Variants in CHRM5 observed in about 807,000 individuals in gnomAD.
CHRM5 encodes cholinergic receptor muscarinic 5.
Under a neutral mutation model 39.0 loss-of-function variants are expected in CHRM5, and 18 were observed. The ratio of observed to expected loss-of-function variants is 0.46; its 90% CI spans 0.32 to 0.68. The LOEUF is 0.68. Ranked by LOEUF, CHRM5 falls within the 30% of genes least tolerant of loss-of-function variation. CHRM5 has a pLI of 0.04. For synonymous variants in CHRM5, 241 were observed against 246.3 expected, an observed-to-expected ratio of 0.98 and a Z score of 0.20; for missense variants, 515 against 651.1, an observed-to-expected ratio of 0.79 and a Z score of 2.28.
At chr15:34,027,245 C>T (rs796972074) in intron 1 of CHRM5, among the ~76,000 whole-genome samples, 34 of 152,170 alleles carry the variant, frequency 2.2e-4, no homozygotes, top group African/African-American at 6.0e-4. Flanking sequence ...TGAACAGCCT[C>T]GGCTCATACC....
In CHRM5 at chr15:34,025,762, G is replaced by GTGTGTGTGTT. The variant is rs1184092795; in HGVS notation, c.-407-20768_-407-20759dup. ...TTTGTTTTGGTTTGGTTTTGCGTGT[G>GTGTGTGTGTT]TGTGTGTGTTTGTGTGTGTGTGCGC... On this transcript the variant is annotated intron_variant, in intron 1 of 2. Transcript: ENST00000383263. Among the ~76,000 whole-genome samples, 158 of 152,206 alleles carry GTGTGTGTGTT rather than the reference G, an allele frequency of 1.0e-3. 1 individual carries two copies. Among genetic ancestry groups the GTGTGTGTGTT allele is most frequent in the Middle Eastern group, 6.8e-3 (2 of 294 alleles).
At chr15:34,024,300 G>T (rs1898340201) in intron 1 of CHRM5, among the ~76,000 whole-genome samples, 1 of 152,078 alleles carries the variant, frequency 6.6e-6, no homozygotes, top group African/African-American at 2.4e-5. Flanking sequence ...AGTGATAAAT[G>T]GTATCAAAAT....
At chr15:33,974,519 T>C (rs907229939) in intron 1 of CHRM5, among the ~76,000 whole-genome samples, 4 of 152,308 alleles carry the variant, frequency 2.6e-5, no homozygotes, top group African/African-American at 9.6e-5. Flanking sequence ...GAAATTAAAG[T>C]AGCAGAGTGT....
At chr15:34,016,592 A>G (rs1306040977) in intron 1 of CHRM5, among the ~76,000 whole-genome samples, 5 of 152,180 alleles carry the variant, frequency 3.3e-5, no homozygotes, top group Non-Finnish European at 5.9e-5. Context: ...AATATTACCA[A>G]CAGGAGTTTT....
intron 1 of CHRM5, among the ~76,000 whole-genome samples, chr15:34,019,841 C>T (rs1209500250): frequency 6.6e-6 from 1 of 152,154 alleles, no homozygotes; most frequent in Non-Finnish European, 1.5e-5. Context: ...AGTCACCTAA[C>T]GACATGTTTC....
At chr15:33,982,853 G>C (rs528082769) in intron 1 of CHRM5, among the ~76,000 whole-genome samples, 4 of 151,990 alleles carry the variant, frequency 2.6e-5, no homozygotes, top group South Asian at 2.1e-4. Context: ...AGCAACAAAG[G>C]CTACCTTAGA....
chr15:34,053,976 T>C lies in CHRM5; in HGVS notation c.-76+7105T>C, dbSNP rs192145108. Among the ~76,000 whole-genome samples the C allele has an allele frequency of 3.9e-5, 6 of 151,952 alleles. No individual in the cohort carries two copies. The East Asian group carries it at 1.2e-3, about 29-fold the overall frequency. On this transcript the variant is annotated intron_variant, in intron 2 of 2. Transcript: ENST00000383263. ...GAATCTACAAGGAACATAAACAAAT[T>C]TATGAGAAAAAAACAACCCCATCAA...
intron 1 of CHRM5, among the ~76,000 whole-genome samples, chr15:34,034,329 T>C (rs1485510733): frequency 2.0e-5 from 3 of 151,804 alleles, no homozygotes; most frequent in African/African-American, 7.3e-5. Context: ...TACTCCCACC[T>C]ACTCAGGAGG....
At chr15:34,030,759 G>A (rs973050083) in intron 1 of CHRM5, among the ~76,000 whole-genome samples, 3 of 151,978 alleles carry the variant, frequency 2.0e-5, no homozygotes, top group Non-Finnish European at 2.9e-5. Flanking sequence ...TGGGAATACA[G>A]GCGTGCACCA....
intron 1 of CHRM5, among the ~76,000 whole-genome samples, chr15:33,998,260 C>T (rs1265271255): frequency 6.6e-6 from 1 of 152,162 alleles, no homozygotes; most frequent in Non-Finnish European, 1.5e-5. Context: ...CACCCCTCCC[C>T]TTATGATTTT....
chr15:34,043,174 G>C (rs1209024448), intron 1 of CHRM5, among the ~76,000 whole-genome samples: 1 of 150,790 alleles, frequency 6.6e-6, no homozygotes, highest in African/African-American at 2.4e-5. Flanking sequence ...GTGAACCTGG[G>C]AGGCAGAGCT....
At position 33,976,914 on chromosome 15, in the gene CHRM5, T is replaced by C. The variant is rs146475052; in HGVS notation, c.-408+7764T>C. Among the ~76,000 whole-genome samples the C allele has an allele frequency of 3.0e-4, 45 of 152,290 alleles. No homozygotes were observed. In the East Asian group the frequency reaches 8.5e-3, roughly 29 times the overall value. ...AGTCAGCCAGCCTCCTGTGGTATAG[T>C]GACATCCTGGATGGAAGTAAAATAA... On this transcript the variant is annotated intron_variant, in intron 1 of 2. Coordinates refer to ENST00000383263, the MANE Select transcript of CHRM5 (RefSeq NM_012125.4).
chr15:34,016,396 A>C (rs1026126196), intron 1 of CHRM5, among the ~76,000 whole-genome samples: 7 of 152,182 alleles, frequency 4.6e-5, no homozygotes, highest in African/African-American at 1.7e-4. Context: ...TTGGGCTCGC[A>C]TGGGTACTGA....
At chr15:34,025,876 A>G (rs1170826063) in intron 1 of CHRM5, among the ~76,000 whole-genome samples, 2 of 152,192 alleles carry the variant, frequency 1.3e-5, no homozygotes, top group Non-Finnish European at 2.9e-5. Flanking sequence ...CCGTGTTTAC[A>G]CTTACCACAC....
chr15:34,008,956 A>G lies in CHRM5; in HGVS notation c.-407-37584A>G, dbSNP rs535884719. 7.0e-3 allele frequency among the ~76,000 whole-genome samples: 887 copies of G among 127,494 alleles called. 21 individuals are homozygous for G. The highest frequency in any genetic ancestry group is 0.048 in the Admixed American group (621 of 13,070). The allele number at this position is 127,494 out of a possible 152,430, so 83.6% of individuals were successfully genotyped here. On this transcript the variant is annotated intron_variant, in intron 1 of 2. Coordinates refer to ENST00000383263, the MANE Select transcript of CHRM5 (RefSeq NM_012125.4). Reference sequence around the variant, plus strand: ...CACACACTCACACGTGCGCGCGCGCACACACACACACACACACACAGACCA... The same window carrying G: ...CACACACTCACACGTGCGCGCGCGCGCACACACACACACACACACAGACCA...
At chr15:34,047,066 T>C (rs1899721496) in intron 2 of CHRM5, among the ~76,000 whole-genome samples, 195 bp downstream of exon 2, 2 of 120,854 alleles carry the variant, frequency 1.7e-5, no homozygotes, top group African/African-American at 2.8e-5. Flanking sequence ...TTTTGGTTTT[T>C]TTGTTGGTTT....
At chr15:34,021,521 G>A (rs1898198802) in intron 1 of CHRM5, among the ~76,000 whole-genome samples, 1 of 152,060 alleles carries the variant, frequency 6.6e-6, no homozygotes, top group African/African-American at 2.4e-5. Flanking sequence ...CTGACCTCAG[G>A]TGAGCCACCG....
chr15:34,039,050 G>A, intron 1 of CHRM5: 2 of 1,103,300 alleles, frequency 1.8e-6, no homozygotes, highest in Non-Finnish European at 2.2e-6. Context: ...CCTGCATCTG[G>A]CCGCCGCTGG....
intron 1 of CHRM5, among the ~76,000 whole-genome samples, chr15:34,011,229 A>G (rs77998985): frequency 6.6e-6 from 1 of 152,138 alleles, no homozygotes; most frequent in Admixed American, 6.5e-5. Context: ...ACGAAAAAGG[A>G]AAAAAAGGCA....
Sources: gnomAD v4.1 joint callset for allele counts (sites outside exome capture counted in the v4.1 genomes callset) on GRCh38, gnomAD v4.1.1 for gene constraint, MANE v1.5 for transcripts, NCBI Gene and HGNC (gene_info 2026-07-23, HGNC 2026-07-21) for gene names.